Variants in CACNA1D observed in about 807,000 individuals in gnomAD.
CACNA1D encodes calcium voltage-gated channel subunit alpha1 D, also known as voltage-dependent L-type calcium channel subunit alpha-1D.
CACNA1D carries 55 observed loss-of-function variants against 257.1 expected under a neutral mutation model. That is an observed-to-expected ratio of 0.21 (90% CI 0.17 to 0.27). The LOEUF (loss-of-function observed/expected upper bound fraction) is 0.27. Among genes scored for constraint, CACNA1D ranks in the 10% least tolerant of loss-of-function variants. The pLI, the probability that CACNA1D is intolerant of heterozygous loss-of-function variation, is 1.00. For synonymous variants in CACNA1D, 980 were observed against 1,014.9 expected (o/e 0.97, Z 0.65); for missense variants, 1,876 against 2,784.0 (o/e 0.67, Z 7.34).
Position 53,497,353 on chromosome 3 carries a change from A to G in CACNA1D, c.269A>G (p.Lys90Arg). Residue 90 changes from lysine (K) to arginine (R), a missense_variant, in exon 2 of 48, where the codon AAG (lysine) becomes AGG (arginine). Transcript: ENST00000350061. ...CAAAGAAAACGTCAGCAATACGCCA[A>G]GAGCAAAAAACAGGGTAACTCGTCC... ...LSQRKRQQYA[K>R]SKKQGNSSNS... The G allele has an allele frequency of 6.2e-7, 1 of 1,614,230 alleles. No homozygotes were observed. Among genetic ancestry groups the G allele is most frequent in the Non-Finnish European group, 8.5e-7 (1 of 1,180,052 alleles).
chr3:53,691,757 TTACATATAATA>T (rs1264307113), intron 8 of CACNA1D, among the ~76,000 whole-genome samples: 1 of 113,060 alleles, frequency 8.8e-6, no homozygotes, highest in African/African-American at 3.6e-5. Flanking sequence ...ATAATATATA[TTACATATAATA>T]TATATATTAT....
In CACNA1D at chr3:53,516,212, C is replaced by T. The variant is rs1406328867; in HGVS notation, c.483+14492C>T. ...GAATAGTTCAAGAGAGTCTTACCTC[C>T]CAGTGAAGTTTAAGGTTTGGCAGTA... On this transcript the variant is annotated intron_variant, in intron 3 of 47. Transcript: ENST00000350061. Among the ~76,000 whole-genome samples, 2 of 152,120 alleles carry T rather than the reference C, an allele frequency of 1.3e-5. 1 individual carries two copies. Among genetic ancestry groups the T allele is most frequent in the African/African-American group, 4.8e-5 (2 of 41,404 alleles).
rs2095602836 is a variant in CACNA1D at position 53,812,025 on chromosome 3, G to GT, written c.*622dup. ...TAAGGTTTTCTGTGATGTGACGCCA[G>GT]TTTACATAAGAGAATATCACTCCGA... On this transcript the variant is annotated 3_prime_UTR_variant, in exon 48 of 48. Coordinates refer to ENST00000350061, the MANE Select transcript of CACNA1D (RefSeq NM_001128840.3). The GT allele has an allele frequency of 6.6e-6, 1 of 152,486 alleles. No individual in the cohort carries two copies. The highest frequency in any genetic ancestry group is 1.5e-5 in the Non-Finnish European group (1 of 68,048). 9.4% of individuals were successfully genotyped at this position (152,486 alleles called of 1,614,324 possible).
intron 3 of CACNA1D, among the ~76,000 whole-genome samples, chr3:53,542,013 G>T (rs1049241803): frequency 6.6e-6 from 1 of 152,140 alleles, no homozygotes; most frequent in Non-Finnish European, 1.5e-5. Context: ...GTGATAGGGA[G>T]GTGATAGCTA....
chr3:53,801,995 A>T, intron 42 of CACNA1D, 152 bp from the exon 43 acceptor site: 1 of 767,100 alleles, frequency 1.3e-6, no homozygotes, highest in Non-Finnish European at 2.4e-6. Context: ...CCCATGGGTC[A>T]TACAAGGCCA....
chr3:53,539,950 C>T (rs2092250467), intron 3 of CACNA1D, among the ~76,000 whole-genome samples: 1 of 152,106 alleles, frequency 6.6e-6, no homozygotes, highest in South Asian at 2.1e-4. Flanking sequence ...ATTGAGTTAT[C>T]TTTTATTGAT....
At chr3:53,679,269 TCAAAAAAAAAAAAAAAAAAAA>T (rs2094405650) in intron 8 of CACNA1D, 1 of 6,372 alleles carries the variant, frequency 1.6e-4, no homozygotes, top group African/African-American at 3.3e-4. Context: ...AAACTCCATC[TCAAAAAAAAAAAAAAAAAAAA>T]AAAAAAAAAA....
At chr3:53,770,637 C>A (rs1396842143) in intron 32 of CACNA1D, 85 bp downstream of exon 32, 14 of 1,363,448 alleles carry the variant, frequency 1.0e-5, no homozygotes, top group African/African-American at 4.3e-5. Context: ...AGGACCCAGG[C>A]TCCCCCTGTG....
intron 3 of CACNA1D, among the ~76,000 whole-genome samples, chr3:53,562,012 T>C (rs994943403): frequency 3.3e-5 from 5 of 152,242 alleles, no homozygotes; most frequent in African/African-American, 1.2e-4. Context: ...TGTGTGCTGC[T>C]TCGTGCCAGA....
chr3:53,581,559 C>T lies in CACNA1D; in HGVS notation c.484-69220C>T, dbSNP rs929529095. Among the ~76,000 whole-genome samples the T allele has an allele frequency of 1.1e-4, 17 of 152,200 alleles. 1 individual carries two copies. The highest frequency in any genetic ancestry group is 4.1e-4 in the African/African-American group (17 of 41,440). ...GAGACTTAACTTTGTTGTTCTGTTA[C>T]TTTCTCAGGGCCTAGTGCACTATGA... On this transcript the variant is annotated intron_variant, in intron 3 of 47. Transcript: ENST00000350061.
chr3:53,550,178 G>A (rs1386069654), intron 3 of CACNA1D, among the ~76,000 whole-genome samples: 1 of 152,154 alleles, frequency 6.6e-6, no homozygotes, highest in Non-Finnish European at 1.5e-5. Flanking sequence ...CCAGAATGCT[G>A]ACCAGGGCAC....
At chr3:53,761,745 A>T (rs2095303706) in intron 29 of CACNA1D, among the ~76,000 whole-genome samples, 2 of 150,080 alleles carry the variant, frequency 1.3e-5, no homozygotes, top group Non-Finnish European at 1.5e-5. Context: ...CAGGACCGTG[A>T]GTGTGTGTGT....
At chr3:53,504,863 G>A (rs1159416350) in intron 3 of CACNA1D, among the ~76,000 whole-genome samples, 3 of 151,998 alleles carry the variant, frequency 2.0e-5, no homozygotes, top group African/African-American at 7.3e-5. Flanking sequence ...ATCTGTTCCT[G>A]GTACTCTTCC....
chr3:53,718,856 A>G (rs2108686131), intron 10 of CACNA1D: 1 of 931,854 alleles, frequency 1.1e-6, no homozygotes, highest in South Asian at 1.5e-5. Context: ...TCCTTTGCTC[A>G]TGGGACCTTC....
intron 3 of CACNA1D, among the ~76,000 whole-genome samples, chr3:53,567,647 C>A (rs1345789841): frequency 6.6e-6 from 1 of 152,150 alleles, no homozygotes; most frequent in Non-Finnish European, 1.5e-5. Context: ...GACAACATAG[C>A]CACTCACCGA....
chr3:53,627,917 G>C (rs1309001348), intron 3 of CACNA1D, among the ~76,000 whole-genome samples: 1 of 152,126 alleles, frequency 6.6e-6, no homozygotes, highest in Non-Finnish European at 1.5e-5. Flanking sequence ...GGAGGCAGAG[G>C]CTGAGGTAGG....
intron 3 of CACNA1D, among the ~76,000 whole-genome samples, chr3:53,524,262 C>T (rs918553961): frequency 9.9e-5 from 15 of 152,230 alleles, no homozygotes; most frequent in African/African-American, 3.6e-4. Context: ...ACAGGACATC[C>T]TGGGAAGGAT....
intron 29 of CACNA1D, among the ~76,000 whole-genome samples, chr3:53,759,784 T>C (rs554341285): frequency 6.6e-6 from 1 of 152,326 alleles, no homozygotes; most frequent in African/African-American, 2.4e-5. Context: ...GGCTTTCTTG[T>C]TAGGAGACTT....
chr3:53,694,100 T>C (rs949179071), intron 8 of CACNA1D, among the ~76,000 whole-genome samples: 25 of 152,318 alleles, frequency 1.6e-4, no homozygotes, highest in Non-Finnish European at 2.8e-4. Flanking sequence ...CTGGGCGTGC[T>C]GTCTCCAGTA....
Sources: allele counts gnomAD v4.1 joint callset (sites outside exome capture counted in the v4.1 genomes callset), GRCh38; gene constraint gnomAD v4.1.1; transcripts MANE v1.5; gene names NCBI Gene and HGNC (gene_info 2026-07-23, HGNC 2026-07-21).